Variants in CCDC126 observed in about 807,000 individuals in gnomAD.
The protein encoded by CCDC126 is coiled-coil domain containing 126, also known as coiled-coil domain-containing protein 126.
In CCDC126, 5 loss-of-function variants were observed where a neutral mutation model predicts 11.7. The observed-to-expected ratio is 0.43, with a 90% CI of 0.22 to 0.90. The LOEUF (loss-of-function observed/expected upper bound fraction) is 0.90. Among genes scored for constraint, CCDC126 ranks in the 40% least tolerant of loss-of-function variants. The pLI, the probability that CCDC126 is intolerant of heterozygous loss-of-function variation, is 0.27. For missense variants in CCDC126, 150 were observed against 163.1 expected (o/e 0.92, Z 0.44); for synonymous variants, 60 against 61.9 (o/e 0.97, Z 0.14).
chr7:23,603,426 T>G (rs1476039554), intron 2 of CCDC126, among the ~76,000 whole-genome samples: 2 of 152,188 alleles, frequency 1.3e-5, no homozygotes, highest in African/African-American at 2.4e-5. Context: ...GAACAAAACT[T>G]CATTTAATAC....
chr7:23,621,361 C>T (rs1414181705), intron 3 of CCDC126, among the ~76,000 whole-genome samples: 1 of 152,126 alleles, frequency 6.6e-6, no homozygotes, highest in Admixed American at 6.6e-5. Flanking sequence ...GGAGTTCACT[C>T]ATGATTTGGC....
intron 3 of CCDC126, among the ~76,000 whole-genome samples, chr7:23,629,604 T>C (rs541945395): frequency 2.7e-5 from 4 of 148,864 alleles, no homozygotes; most frequent in African/African-American, 9.9e-5. Context: ...AAAAAAAAAA[T>C]AGAAAGTCTC....
intron 3 of CCDC126, among the ~76,000 whole-genome samples, chr7:23,640,716 A>G (rs1198047195): frequency 6.6e-6 from 1 of 152,080 alleles, no homozygotes; most frequent in African/African-American, 2.4e-5. Flanking sequence ...TACATATTCT[A>G]TATAAGTGGA....
intron 3 of CCDC126, among the ~76,000 whole-genome samples, chr7:23,612,362 G>T (rs891766618): frequency 2.7e-5 from 4 of 149,554 alleles, no homozygotes; most frequent in African/African-American, 9.8e-5. Flanking sequence ...CTACTCGGGA[G>T]ACTGAGGCAG....
chr7:23,639,951 A>G (rs1467235071), intron 3 of CCDC126, among the ~76,000 whole-genome samples: 8 of 152,032 alleles, frequency 5.3e-5, no homozygotes, highest in Admixed American at 3.3e-4. Context: ...CGAGGTGGGT[A>G]GATCACCTGA....
At chr7:23,614,693 G>A (rs1782768689) in intron 3 of CCDC126, among the ~76,000 whole-genome samples, 1 of 152,204 alleles carries the variant, frequency 6.6e-6, no homozygotes, top group South Asian at 2.1e-4. Context: ...AATGGATGTT[G>A]TGTTAGCAGC....
At chr7:23,626,395 A>G (rs1182326878) in intron 3 of CCDC126, among the ~76,000 whole-genome samples, 1 of 152,220 alleles carries the variant, frequency 6.6e-6, no homozygotes, top group Non-Finnish European at 1.5e-5. Flanking sequence ...CTATACAAAT[A>G]AGCTAGTCAA....
chr7:23,638,501 C>A (rs960622385), intron 3 of CCDC126, among the ~76,000 whole-genome samples: 60 of 112,948 alleles, frequency 5.3e-4, no homozygotes, highest in South Asian at 1.8e-3. Context: ...CTTTGTTAAA[C>A]AGATGCTTGA....
chr7:23,620,583 T>C (rs1782875179), intron 3 of CCDC126, among the ~76,000 whole-genome samples: 1 of 151,318 alleles, frequency 6.6e-6, no homozygotes, highest in African/African-American at 2.4e-5. Flanking sequence ...TTTAGTTTAA[T>C]TAGATCCCAT....
chr7:23,599,473 T>A (rs1386028379), intron 2 of CCDC126, among the ~76,000 whole-genome samples: 2 of 151,880 alleles, frequency 1.3e-5, no homozygotes, highest in Non-Finnish European at 2.9e-5. Flanking sequence ...CTGCATAGTG[T>A]GTGTCTATGT....
intron 2 of CCDC126, among the ~76,000 whole-genome samples, chr7:23,600,042 C>T (rs538694024): frequency 1.3e-5 from 2 of 152,198 alleles, no homozygotes; most frequent in Admixed American, 6.5e-5. Flanking sequence ...TCTTCAGCCT[C>T]CCAAGGTGCT....
At chr7:23,620,502 C>G (rs1239967289) in intron 3 of CCDC126, among the ~76,000 whole-genome samples, 1 of 152,098 alleles carries the variant, frequency 6.6e-6, no homozygotes, top group African/African-American at 2.4e-5. Context: ...GAGTAGATTG[C>G]AAAAATTTTC....
At chr7:23,617,111 G>C (rs1230183467) in intron 3 of CCDC126, among the ~76,000 whole-genome samples, 1 of 151,984 alleles carries the variant, frequency 6.6e-6, no homozygotes, top group Non-Finnish European at 1.5e-5. Flanking sequence ...CACTTTGGGA[G>C]GCTGGGCAGG....
chr7:23,599,214 C>G (rs999263633), intron 2 of CCDC126, among the ~76,000 whole-genome samples: 2 of 152,144 alleles, frequency 1.3e-5, no homozygotes, highest in African/African-American at 4.8e-5. Flanking sequence ...TGCTCATAGC[C>G]CCTATACCTG....
intron 3 of CCDC126, among the ~76,000 whole-genome samples, chr7:23,636,731 GCGT>G (rs1344782234): frequency 1.3e-5 from 2 of 149,328 alleles, no homozygotes; most frequent in African/African-American, 5.0e-5. Flanking sequence ...AAAGTGAGGA[GCGT>G]CTCCGCCCGG....
At chr7:23,640,798 G>A (rs1431342128) in intron 3 of CCDC126, among the ~76,000 whole-genome samples, 1 of 152,118 alleles carries the variant, frequency 6.6e-6, no homozygotes, top group African/African-American at 2.4e-5. Flanking sequence ...GTTCATCTGT[G>A]TTGTAGCATG....
intron 3 of CCDC126, among the ~76,000 whole-genome samples, chr7:23,621,146 T>C (rs568235369): frequency 1.9e-4 from 29 of 152,390 alleles, no homozygotes; most frequent in Non-Finnish European, 7.3e-5. Flanking sequence ...GGGGATGGCA[T>C]TCAATCTATA....
At chr7:23,633,895 A>G (rs990329488) in intron 3 of CCDC126, among the ~76,000 whole-genome samples, 1 of 152,176 alleles carries the variant, frequency 6.6e-6, no homozygotes, top group African/African-American at 2.4e-5. Flanking sequence ...TGATTTCTAA[A>G]TTTTCTTGCT....
intron 3 of CCDC126, among the ~76,000 whole-genome samples, chr7:23,616,772 T>C (rs1782801682): frequency 6.6e-6 from 1 of 152,190 alleles, no homozygotes; most frequent in African/African-American, 2.4e-5. Context: ...TATGGGTCTC[T>C]TTCGTACATG....
Sources: gnomAD v4.1 joint callset for allele counts (sites outside exome capture counted in the v4.1 genomes callset) on GRCh38, gnomAD v4.1.1 for gene constraint, MANE v1.5 for transcripts, NCBI Gene and HGNC (gene_info 2026-07-23, HGNC 2026-07-21) for gene names.